The following PLOD1 variants were observed in gnomAD, a reference collection of about 807,000 sequenced individuals.
The protein encoded by PLOD1 is lysine hydroxylase.
In PLOD1, 70 loss-of-function variants were observed where a neutral mutation model predicts 94.7. The ratio of observed to expected loss-of-function variants is 0.74; its 90% CI spans 0.61 to 0.90. The LOEUF (loss-of-function observed/expected upper bound fraction) is 0.90. Ranked by LOEUF, PLOD1 falls within the 40% of genes least tolerant of loss-of-function variation. PLOD1 has a pLI of 0.00. For synonymous variants in PLOD1, 417 were observed against 400.2 expected, an observed-to-expected ratio of 1.04 and a Z score of -0.50; for missense variants, 905 against 972.7, an observed-to-expected ratio of 0.93 and a Z score of 0.93.
At chr1:11,961,155 T>C (rs1436351753) in intron 10 of PLOD1, among the ~76,000 whole-genome samples, 2 of 151,550 alleles carry the variant, frequency 1.3e-5, no homozygotes, top group Non-Finnish European at 2.9e-5. Context: ...AGGCCAAAGT[T>C]GAAGGATTGC....
chr1:11,961,642 T>A (rs1368652936), intron 10 of PLOD1, among the ~76,000 whole-genome samples: 2 of 152,160 alleles, frequency 1.3e-5, no homozygotes, highest in African/African-American at 4.8e-5. Context: ...TTGGTGTCAC[T>A]CTTGTCATCC....
chr1:11,938,644 G>A (rs1297666202), intron 1 of PLOD1, among the ~76,000 whole-genome samples: 1 of 152,176 alleles, frequency 6.6e-6, no homozygotes, highest in African/African-American at 2.4e-5. Context: ...TGGATGGGAG[G>A]AGGCAGCTAC....
intron 16 of PLOD1, among the ~76,000 whole-genome samples, chr1:11,967,658 AT>A (rs1553136726): frequency 1.1e-4 from 12 of 108,986 alleles, no homozygotes; most frequent in African/African-American, 3.6e-4. Context: ...ATATATATAT[AT>A]TTTTTTTAAA....
chr1:11,961,490 A>G (rs565298034), intron 10 of PLOD1, among the ~76,000 whole-genome samples: 2 of 152,326 alleles, frequency 1.3e-5, no homozygotes, highest in South Asian at 4.1e-4. Flanking sequence ...TTAGATCATA[A>G]ATCTTTGCAA....
chr1:11,954,965 C>T (rs1645728276), intron 6 of PLOD1, 72 bp downstream of exon 6: 14 of 1,219,170 alleles, frequency 1.1e-5, no homozygotes, highest in Non-Finnish European at 1.7e-5. Context: ...GGGCCCGAGC[C>T]CAGGGAGGAG....
At position 11,960,707 on chromosome 1, in the gene PLOD1, C is replaced by G. The variant is rs746868590; in HGVS notation, c.1037C>G (p.Ser346Cys). 1.2e-6 allele frequency: 2 copies of G among 1,613,412 alleles called. No homozygotes were observed. Among genetic ancestry groups the G allele is most frequent in the East Asian group, 4.5e-5 (2 of 44,884 alleles). Residue 346 changes from serine to cysteine, a missense_variant, in exon 10 of 19, where the codon TCT becomes TGT. Ser to Cys is a moderately radical substitution (Grantham distance 112, BLOSUM62 -1). Transcript: ENST00000196061. Reference sequence around the variant, plus strand: ...GCACAGCATGGCAGCGAGTACCAGTCTGTGAAGCTGGTGGGCCCTGAGGTG... The same window carrying G: ...GCACAGCATGGCAGCGAGTACCAGTGTGTGAAGCTGGTGGGCCCTGAGGTG... Reference protein sequence around the residue: ...FLAQHGSEYQSVKLVGPEVRM... With the variant: ...FLAQHGSEYQCVKLVGPEVRM...
In PLOD1 at chr1:11,965,438, G is replaced by A. The variant is rs746011816; in HGVS notation, c.1471-42G>A. On this transcript the variant is annotated intron_variant, in intron 13 of 18. Coordinates refer to ENST00000196061, the MANE Select transcript of PLOD1 (RefSeq NM_000302.4). ...GCAGGGGAGGGGTGAGGGCAGGGGA[G>A]GGGTGGGGGAGCGCCTCTTCCACCG... The A allele has an allele frequency of 3.5e-6, 4 of 1,155,728 alleles. No individual in the cohort carries two copies. The South Asian group carries it at 4.9e-5, about 14-fold the overall frequency. The allele number at this position is 1,155,728 out of a possible 1,614,324, so 71.6% of individuals were successfully genotyped here. A position where few individuals can be genotyped will look rare whatever the true frequency, so the allele number is the denominator to read the frequency against.
At position 11,957,900 on chromosome 1, in the gene PLOD1, G is replaced by T. The variant is rs780952856; in HGVS notation, c.800G>T (p.Cys267Phe). The T allele has an allele frequency of 1.9e-6, 3 of 1,613,930 alleles. No individual in the cohort carries two copies. Among genetic ancestry groups the T allele is most frequent in the Non-Finnish European group, 2.5e-6 (3 of 1,179,934 alleles). The change falls in exon 8 of 19, where the codon TGC becomes TTC. Residue 267 changes from cysteine (C) to phenylalanine (F), a missense_variant. Cys to Phe is a radical substitution (Grantham distance 205). Transcript: ENST00000196061. This position sits in a 1 kb window ranked among gnomAD's most constrained non-coding sequence, Gnocchi z 4.1. ...CGCTTCTGGACCTTCGAAACAGGCT[G>T]CACCGTGTGTGACGAAGGCTTGCGC... is the stretch of plus-strand genomic sequence containing the variant. ...IPRFWTFETG[C>F]TVCDEGLRSL...
chr1:11,958,739 A>C lies in PLOD1; in HGVS notation c.975+92A>C. ...CCCGAGACCTCTGAGGGTCTCACCG[A>C]ATCTAGCTTATCTGGGCCAAATGAC... On this transcript the variant is annotated intron_variant, in intron 9 of 18. Transcript: ENST00000196061. This position sits in a 1 kb window ranked among gnomAD's most constrained non-coding sequence, Gnocchi z 4.3. 1.4e-6 allele frequency: 2 copies of C among 1,460,216 alleles called. No homozygotes were observed. Among genetic ancestry groups the C allele is most frequent in the Non-Finnish European group, 1.9e-6 (2 of 1,054,216 alleles). The allele number at this position is 1,460,216 out of a possible 1,614,324, so 90.5% of individuals were successfully genotyped here.
At chr1:11,940,754 G>C (rs537937779) in intron 1 of PLOD1, among the ~76,000 whole-genome samples, 19 of 152,342 alleles carry the variant, frequency 1.2e-4, no homozygotes, top group African/African-American at 4.6e-4. Flanking sequence ...GGCTGGACCA[G>C]ACAGAAAGCA....
At chr1:11,946,157 A>G (rs1645653563) in intron 1 of PLOD1, among the ~76,000 whole-genome samples, 1 of 152,162 alleles carries the variant, frequency 6.6e-6, no homozygotes, top group Non-Finnish European at 1.5e-5. Context: ...AGGGCTAGGG[A>G]CTTGCCCCAG....
intron 5 of PLOD1, 97 bp from the exon 6 acceptor site, chr1:11,954,733 C>A: frequency 2.1e-6 from 2 of 962,848 alleles, no homozygotes; most frequent in Non-Finnish European, 3.4e-6. Context: ...GGAATGAGGG[C>A]TGAACTTGGG....
At chr1:11,956,359 G>A (rs1031661183) in intron 6 of PLOD1, among the ~76,000 whole-genome samples, 29 of 152,146 alleles carry the variant, frequency 1.9e-4, no homozygotes, top group African/African-American at 7.0e-4. Context: ...ACTCCACACT[G>A]GGCAATAGAA....
At chr1:11,950,161 T>C (rs548291156) in intron 3 of PLOD1, among the ~76,000 whole-genome samples, 196 bp from the exon 4 acceptor site, 1 of 152,262 alleles carries the variant, frequency 6.6e-6, no homozygotes, top group East Asian at 1.9e-4. Flanking sequence ...GACCATCTCT[T>C]TGCCCAGGGT....
chr1:11,958,533 G>C lies in PLOD1; in HGVS notation c.861G>C (p.Thr287=). The part of the protein sequence containing the change: ...LKGIGDEALP[T]VLVGVFIEQP... ...TGGTGCAGGATGAAGCTCTGCCCAC[G>C]GTCCTGGTCGGCGTGTTCATCGAAC... The change falls in exon 9 of 19, where the codon ACG becomes ACC. Residue 287 remains threonine (T), a synonymous_variant. Coordinates refer to ENST00000196061, the MANE Select transcript of PLOD1 (RefSeq NM_000302.4). This position sits in a 1 kb window ranked among gnomAD's most constrained non-coding sequence, Gnocchi z 4.3. 1 of 1,613,802 alleles carries C rather than the reference G, an allele frequency of 6.2e-7. No homozygotes were observed. Among genetic ancestry groups the C allele is most frequent in the East Asian group, 2.2e-5 (1 of 44,868 alleles).
intron 10 of PLOD1, among the ~76,000 whole-genome samples, chr1:11,961,611 AT>A (rs913792790): frequency 1.3e-5 from 2 of 151,094 alleles, no homozygotes; most frequent in Non-Finnish European, 3.0e-5. Context: ...CATGTCATTT[AT>A]TTTTTTTTCT....
chr1:11,935,170 G>C (rs1645569694), intron 1 of PLOD1, among the ~76,000 whole-genome samples: 1 of 152,190 alleles, frequency 6.6e-6, no homozygotes, highest in Non-Finnish European at 1.5e-5. Flanking sequence ...GCATCAGTTA[G>C]GCATGATTGC....
In PLOD1 at chr1:11,957,185, G is replaced by T; in HGVS notation, c.741+171G>T. The T allele has an allele frequency of 1.3e-6, 1 of 763,132 alleles. No individual in the cohort carries two copies. 47.3% of individuals were successfully genotyped at this position (763,132 alleles called of 1,614,324 possible). A position where few individuals can be genotyped will look rare whatever the true frequency, so the allele number is the denominator to read the frequency against. ...GCTCAGCGTGATGCCTTCTTTTCCTGCTGTGGTGGTCAGTGGTACTCTGTC... is the reference window on the plus strand; with the variant it reads ...GCTCAGCGTGATGCCTTCTTTTCCTTCTGTGGTGGTCAGTGGTACTCTGTC... On this transcript the variant is annotated intron_variant, in intron 7 of 18. Coordinates refer to ENST00000196061, the MANE Select transcript of PLOD1 (RefSeq NM_000302.4). The surrounding 1 kb of genome is among the most constrained non-coding windows in gnomAD (Gnocchi z 4.1).
rs1645748624 is a variant in PLOD1, at chr1:11,957,710, T to G, written c.742-132T>G. ...GTGATCTCCTGGGGATGGAGCATTATCTCCAAGACCCTCTTAGGGAGTGGG... is the reference window on the plus strand; with the variant it reads ...GTGATCTCCTGGGGATGGAGCATTAGCTCCAAGACCCTCTTAGGGAGTGGG... On this transcript the variant is annotated intron_variant, in intron 7 of 18. Transcript: ENST00000196061. This position sits in a 1 kb window ranked among gnomAD's most constrained non-coding sequence, Gnocchi z 4.1. The G allele has an allele frequency of 2.6e-6, 2 of 776,276 alleles. No homozygotes were observed. Among genetic ancestry groups the G allele is most frequent in the Non-Finnish European group, 4.8e-6 (2 of 420,960 alleles). The allele number at this position is 776,276 out of a possible 1,614,324, so 48.1% of individuals were successfully genotyped here. A position where few individuals can be genotyped will look rare whatever the true frequency, so the allele number is the denominator to read the frequency against.
Sources: gnomAD v4.1 joint callset for allele counts (sites outside exome capture counted in the v4.1 genomes callset) on GRCh38, gnomAD v4.1.1 for gene constraint, Gnocchi (gnomAD v3.1) non-coding constraint, MANE v1.5 for transcripts, NCBI Gene and HGNC (gene_info 2026-07-23, HGNC 2026-07-21) for gene names.